PTBP3: variants seen among roughly 807,000 people sequenced by gnomAD.
PTBP3 encodes the protein polypyrimidine tract-binding protein 3.
PTBP3 carries 20 observed loss-of-function variants against 58.7 expected under a neutral mutation model. The ratio of observed to expected loss-of-function variants is 0.34; its 90% confidence interval spans 0.24 to 0.50. PTBP3 has a LOEUF of 0.50. Among genes scored for constraint, PTBP3 ranks in the 20% least tolerant of loss-of-function variants. The probability of loss-of-function intolerance (pLI) is 0.98; values close to 1 mark genes in which losing one functional copy is unlikely to be tolerated. For missense variants in PTBP3, 509 were observed against 637.2 expected (o/e 0.80, Z 2.17); for synonymous variants, 185 against 219.8 (o/e 0.84, Z 1.40).
rs991200197 is a variant in PTBP3, at chr9:112,315,986, T to C, written c.-52+17484A>G. 5.3e-5 allele frequency among the ~76,000 whole-genome samples: 8 copies of C among 152,244 alleles called. No individual in the cohort carries two copies. In the East Asian group the frequency reaches 1.5e-3, roughly 29 times the overall value. On this transcript the variant is annotated intron_variant, in intron 1 of 13. Transcript: ENST00000374257. ...AGCCGTGCTTACAGGGAAATTTATA[T>C]CATTAAATGATTACATTAAAAAAGA...
At chr9:112,361,132 T>C in the PTBP3 span, among the ~76,000 whole-genome samples, 4 of 152,296 alleles carry the variant, frequency 2.6e-5, no homozygotes, top group African/African-American at 9.6e-5. Flanking sequence ...AGTCTCACTC[T>C]GTTGCCCAGG....
At chr9:112,318,067 CA>C (rs1258266616) in intron 1 of PTBP3, among the ~76,000 whole-genome samples, 1 of 152,000 alleles carries the variant, frequency 6.6e-6, no homozygotes, top group Non-Finnish European at 1.5e-5. Context: ...TACCAAAGAA[CA>C]ACAAACAAGA....
intron 1 of PTBP3, among the ~76,000 whole-genome samples, chr9:112,320,316 T>TATATATATA (rs61624494): frequency 1.6e-4 from 5 of 31,586 alleles, no homozygotes; most frequent in East Asian, 1.1e-3. Flanking sequence ...ATATATATAT[T>TATATATATA]TTTTTTTAAG....
intron 12 of PTBP3, among the ~76,000 whole-genome samples, chr9:112,226,456 T>C (rs1018354271): frequency 2.0e-5 from 3 of 152,194 alleles, no homozygotes; most frequent in African/African-American, 4.8e-5. Flanking sequence ...CTTTTATCTC[T>C]TTTCCAAAGC....
At chr9:112,290,280 C>G (rs1052890074) in intron 2 of PTBP3, among the ~76,000 whole-genome samples, 9 of 152,086 alleles carry the variant, frequency 5.9e-5, no homozygotes, top group African/African-American at 2.2e-4. Flanking sequence ...TCCAAATGAT[C>G]AGTAAGCATA....
chr9:112,315,983 A>G (rs1324136312), intron 1 of PTBP3, among the ~76,000 whole-genome samples: 1 of 152,246 alleles, frequency 6.6e-6, no homozygotes, highest in African/African-American at 2.4e-5. Flanking sequence ...AGGGAAATTT[A>G]TATCATTAAA....
chr9:112,319,308 C>T (rs1203197439), intron 1 of PTBP3, among the ~76,000 whole-genome samples: 7 of 152,052 alleles, frequency 4.6e-5, no homozygotes, highest in African/African-American at 1.7e-4. Context: ...GAGGCCAAGG[C>T]AGGAGGATCA....
At chr9:112,373,564 C>T in the PTBP3 span, among the ~76,000 whole-genome samples, 6 of 152,320 alleles carry the variant, frequency 3.9e-5, no homozygotes, top group East Asian at 3.9e-4. Flanking sequence ...AGTTGACACT[C>T]GGTATTAACC....
intron 1 of PTBP3, among the ~76,000 whole-genome samples, chr9:112,305,708 A>AG (rs1243878721): frequency 2.6e-5 from 4 of 151,982 alleles, no homozygotes; most frequent in Admixed American, 2.0e-4. Flanking sequence ...TGGGAGGCCG[A>AG]GGGGGGCGGA....
At chr9:112,226,863 T>C (rs552725983) in intron 12 of PTBP3, among the ~76,000 whole-genome samples, 4 of 152,242 alleles carry the variant, frequency 2.6e-5, no homozygotes, top group Admixed American at 6.5e-5. Flanking sequence ...AAAACAGCCA[T>C]AGGCTACAGG....
chr9:112,240,549 A>G lies in PTBP3; in HGVS notation c.803-5652T>C, dbSNP rs543671021. On this transcript the variant is annotated intron_variant, in intron 7 of 13. Transcript: ENST00000374257. ...TGTACAGTATATAATACTTGATAAT[A>G]AAGAATTATGTTATTGGTTTATATA... 6.6e-5 allele frequency among the ~76,000 whole-genome samples: 10 copies of G among 151,608 alleles called. No individual in the cohort carries two copies. In the East Asian group the frequency reaches 1.9e-3, roughly 29 times the overall value.
intron 5 of PTBP3, among the ~76,000 whole-genome samples, chr9:112,256,272 A>AATATATATATATATATAT (rs1186696553): frequency 1.2e-5 from 1 of 82,962 alleles, no homozygotes; most frequent in African/African-American, 8.3e-5. Flanking sequence ...AAAAAAACAA[A>AATATATATATATATATAT]ATATATATAT....
At chr9:112,319,572 G>A (rs1188123664) in intron 1 of PTBP3, among the ~76,000 whole-genome samples, 2 of 151,990 alleles carry the variant, frequency 1.3e-5, no homozygotes, top group African/African-American at 4.8e-5. Flanking sequence ...GTACACAGTT[G>A]GTGGGAATGT....
At chr9:112,230,718 T>C (rs980694123) in intron 10 of PTBP3, among the ~76,000 whole-genome samples, 1 of 152,232 alleles carries the variant, frequency 6.6e-6, no homozygotes, top group Non-Finnish European at 1.5e-5. Flanking sequence ...TACTGCTCAT[T>C]AGATGTTAAT....
chr9:112,296,502 A>T (rs1828695470), intron 2 of PTBP3, among the ~76,000 whole-genome samples: 1 of 152,070 alleles, frequency 6.6e-6, no homozygotes, highest in African/African-American at 2.4e-5. Flanking sequence ...AACACCATAT[A>T]AGCTCCTGGT....
chr9:112,323,669 TGAGG>T (rs1240230473), intron 1 of PTBP3, among the ~76,000 whole-genome samples: 1 of 152,206 alleles, frequency 6.6e-6, no homozygotes, highest in Non-Finnish European at 1.5e-5. Context: ...TGGACACGGC[TGAGG>T]AAGGAATCAA....
chr9:112,339,014 A>G, the PTBP3 span, among the ~76,000 whole-genome samples: 1 of 152,204 alleles, frequency 6.6e-6, no homozygotes, highest in Admixed American at 6.5e-5. Flanking sequence ...TTGTCATACT[A>G]TATCACCTAG....
In PTBP3 at chr9:112,276,022, CAT is replaced by C. The variant is rs1564426034; in HGVS notation, c.35-11_35-10del. 2 of 1,605,820 alleles carry C rather than the reference CAT, an allele frequency of 1.2e-6. No homozygotes were observed. Among genetic ancestry groups the C allele is most frequent in the South Asian group, 2.2e-5 (2 of 90,712 alleles). Reference sequence around the variant, plus strand: ...GCTGTCATTCCCATTAGCTAAAAAACATAAGATTCTTTTTTAAATTACTGCAA... The same window carrying C: ...GCTGTCATTCCCATTAGCTAAAAAACAAGATTCTTTTTTAAATTACTGCAA... On this transcript the variant is annotated splice_polypyrimidine_tract_variant and intron_variant, in intron 2 of 13. Coordinates refer to ENST00000374257, the MANE Select transcript of PTBP3 (RefSeq NM_001163788.4).
In PTBP3 at chr9:112,228,379, C is replaced by A. The variant is rs745389487; in HGVS notation, c.1147+1G>T. On this transcript the variant is annotated splice_donor_variant, in intron 11 of 13. Coordinates refer to ENST00000374257, the MANE Select transcript of PTBP3 (RefSeq NM_001163788.4). LOFTEE classifies it high-confidence loss of function. ...TATTAATAATTATTAATCATTAGTA[C>A]CTAGCTGAGCTTGATTTGCATCCGC... 1 of 1,589,366 alleles carries A rather than the reference C, an allele frequency of 6.3e-7. No individual in the cohort carries two copies. The highest frequency in any genetic ancestry group is 1.8e-5 in the Admixed American group (1 of 54,390).
Sources: gnomAD v4.1 joint callset for allele counts (sites outside exome capture counted in the v4.1 genomes callset) on GRCh38, gnomAD v4.1.1 for gene constraint, MANE v1.5 for transcripts, NCBI Gene and HGNC (gene_info 2026-07-23, HGNC 2026-07-21) for gene names.